Variants in CMIP observed in about 807,000 individuals in gnomAD.
The protein encoded by CMIP is c-Maf inducing protein, also known as C-Maf-inducing protein.
A neutral mutation model predicts 97.3 loss-of-function variants in CMIP; 13 were observed. That is an observed-to-expected ratio of 0.13 (90% CI 0.09 to 0.21). The LOEUF (loss-of-function observed/expected upper bound fraction) is 0.21, where lower values mean the gene tolerates loss of function less well. Ranked by LOEUF, CMIP falls within the 10% of genes least tolerant of loss-of-function variation. CMIP has a pLI of 1.00. For synonymous variants in CMIP, 538 were observed against 436.3 expected, an observed-to-expected ratio of 1.23 and a Z score of -2.91; for missense variants, 847 against 1,024.9, an observed-to-expected ratio of 0.83 and a Z score of 2.37.
chr16:81,549,802 G>A (rs140831872), intron 1 of CMIP, among the ~76,000 whole-genome samples: 47 of 152,326 alleles, frequency 3.1e-4, no homozygotes, highest in Middle Eastern at 6.8e-3. Flanking sequence ...GCAACTGCGC[G>A]TTCTCTTCCC....
In CMIP at chr16:81,621,923, T is replaced by C. The variant is rs988439363; in HGVS notation, c.477+997T>C. The C allele has an allele frequency of 6.6e-6, 1 of 152,290 alleles. No individual in the cohort carries two copies. Among genetic ancestry groups the C allele is most frequent in the African/African-American group, 2.4e-5 (1 of 41,474 alleles). The allele number at this position is 152,290 out of a possible 1,614,324, so 9.4% of individuals were successfully genotyped here. On this transcript the variant is annotated intron_variant, in intron 3 of 20. Transcript: ENST00000537098. The surrounding 1 kb of genome is among the most constrained non-coding windows in gnomAD (Gnocchi z 4.1). ...CACTCCCCTCCTTTCCTCTGTCAGCTACTGGTCCTCTTGCTTTGTGCTGTG... is the reference window on the plus strand; with the variant it reads ...CACTCCCCTCCTTTCCTCTGTCAGCCACTGGTCCTCTTGCTTTGTGCTGTG...
intron 1 of CMIP, among the ~76,000 whole-genome samples, chr16:81,544,291 T>C (rs2090502473): frequency 6.6e-6 from 1 of 152,276 alleles, no homozygotes; most frequent in Admixed American, 6.5e-5. Context: ...AGACCGAGGC[T>C]GGAGGGTCAT....
Position 81,652,067 on chromosome 16 carries a change from TA to T in CMIP, c.478-133del. 1 of 663,114 alleles carries T rather than the reference TA, an allele frequency of 1.5e-6. No individual in the cohort carries two copies. The highest frequency in any genetic ancestry group is 2.0e-5 in the South Asian group (1 of 51,256). 41.1% of individuals were successfully genotyped at this position (663,114 alleles called of 1,614,324 possible). A position where few individuals can be genotyped will look rare whatever the true frequency, so the allele number is the denominator to read the frequency against. On this transcript the variant is annotated intron_variant, in intron 3 of 20. Coordinates refer to ENST00000537098, the MANE Select transcript of CMIP (RefSeq NM_198390.3). The surrounding 1 kb of genome is among the most constrained non-coding windows in gnomAD (Gnocchi z 5.2). The stretch of plus-strand genomic sequence containing the variant: ...CTCTCTCGGGGTGTCAGTTTCCTTA[TA>T]AACGGGGACTGGGCCAAGTTGTCAG...
At chr16:81,563,066 C>T (rs1567581499) in intron 1 of CMIP, among the ~76,000 whole-genome samples, 1 of 152,228 alleles carries the variant, frequency 6.6e-6, no homozygotes, top group Non-Finnish European at 1.5e-5. Flanking sequence ...AAGGCGCTGA[C>T]CCGCCAGAGG....
At chr16:81,475,785 A>T (rs929443237) in intron 1 of CMIP, among the ~76,000 whole-genome samples, 6 of 152,144 alleles carry the variant, frequency 3.9e-5, no homozygotes, top group Non-Finnish European at 8.8e-5. Context: ...GGAGATCAGG[A>T]CCATCCTGGC....
intron 10 of CMIP, among the ~76,000 whole-genome samples, chr16:81,679,852 G>A (rs975505614): frequency 1.5e-4 from 23 of 152,166 alleles, no homozygotes; most frequent in Admixed American, 2.0e-4. Context: ...GGGAGCCCCA[G>A]TTTGAGGGAT....
chr16:81,707,480 A>T (rs1203010297), intron 20 of CMIP, among the ~76,000 whole-genome samples: 2 of 152,210 alleles, frequency 1.3e-5, no homozygotes, highest in African/African-American at 4.8e-5. Context: ...GGCCGGATGG[A>T]AAAAGCCCTC....
chr16:81,521,450 G>A (rs2090025865), intron 1 of CMIP, among the ~76,000 whole-genome samples: 1 of 152,104 alleles, frequency 6.6e-6, no homozygotes. Context: ...TGACCGCCAA[G>A]GTCGGCTGCC....
chr16:81,480,021 G>A (rs1227364374), intron 1 of CMIP, among the ~76,000 whole-genome samples: 6 of 152,156 alleles, frequency 3.9e-5, no homozygotes, highest in East Asian at 1.9e-4. Context: ...GGGGATCTTC[G>A]TAACCCCCAA....
intron 3 of CMIP, among the ~76,000 whole-genome samples, chr16:81,623,858 A>G (rs891056029): frequency 2.0e-5 from 3 of 152,166 alleles, no homozygotes; most frequent in Non-Finnish European, 2.9e-5. Context: ...GTCGTTAAGC[A>G]GGTAATAGAA....
intron 2 of CMIP, chr16:81,618,997 T>C (rs1385289679): frequency 6.6e-6 from 1 of 152,284 alleles, no homozygotes; most frequent in Non-Finnish European, 1.5e-5. Flanking sequence ...CAACAGTCTC[T>C]CCAGGGGGCT....
chr16:81,700,014 G>C, intron 15 of CMIP, among the ~76,000 whole-genome samples: 1 of 152,180 alleles, frequency 6.6e-6, no homozygotes, highest in East Asian at 1.9e-4. Flanking sequence ...CCATTGATCA[G>C]TGGGGTTGGG....
Position 81,610,417 on chromosome 16 carries a change from G to T in CMIP, c.426+2725G>T, listed in dbSNP as rs572492415. 6 of 985,992 alleles carry T rather than the reference G, an allele frequency of 6.1e-6. No homozygotes were observed. In the East Asian group the frequency reaches 5.7e-4, roughly 93 times the overall value. The allele number at this position is 985,992 out of a possible 1,614,324, so 61.1% of individuals were successfully genotyped here. ...GCAGTCAGAGGCAGGAGCAGGAGAG[G>T]AGGAAGCAGAGGAAAAGGAGGAGGA... On this transcript the variant is annotated intron_variant, in intron 2 of 20. Coordinates refer to ENST00000537098, the MANE Select transcript of CMIP (RefSeq NM_198390.3).
intron 3 of CMIP, among the ~76,000 whole-genome samples, chr16:81,625,162 G>T (rs949811378): frequency 6.6e-6 from 1 of 152,196 alleles, no homozygotes; most frequent in Non-Finnish European, 1.5e-5. Context: ...AGCCCTCCCG[G>T]CCTGGCCTCT....
At chr16:81,563,635 C>T (rs2090927224) in intron 1 of CMIP, among the ~76,000 whole-genome samples, 2 of 152,188 alleles carry the variant, frequency 1.3e-5, no homozygotes, top group Non-Finnish European at 2.9e-5. Context: ...CCATATTGAG[C>T]ATGATGCTGT....
chr16:81,624,488 C>CAA lies in CMIP; in HGVS notation c.477+3579_477+3580dup, dbSNP rs371369093. On this transcript the variant is annotated intron_variant, in intron 3 of 20. Transcript: ENST00000537098. Reference sequence around the variant, plus strand: ...TGGGCGAAAGTGCGAGACTCCGTCTCAAAAAAAAAAAAAAAAAATGCCACC... The same window carrying CAA: ...TGGGCGAAAGTGCGAGACTCCGTCTCAAAAAAAAAAAAAAAAAAAATGCCACC... Among the ~76,000 whole-genome samples, 234 of 92,664 alleles carry CAA rather than the reference C, an allele frequency of 2.5e-3. 1 individual carries two copies. The highest frequency in any genetic ancestry group is 7.0e-3 in the African/African-American group (212 of 30,080). The allele number at this position is 92,664 out of a possible 152,430, so 60.8% of individuals were successfully genotyped here. A position where few individuals can be genotyped will look rare whatever the true frequency, so the allele number is the denominator to read the frequency against.
At chr16:81,593,160 G>A (rs1174762365) in intron 1 of CMIP, among the ~76,000 whole-genome samples, 3 of 152,196 alleles carry the variant, frequency 2.0e-5, no homozygotes, top group African/African-American at 7.2e-5. Flanking sequence ...CCCACGTCCT[G>A]CCTCTTGACC....
chr16:81,693,571 T>C, intron 13 of CMIP, 84 bp downstream of exon 13: 1 of 1,437,174 alleles, frequency 7.0e-7, no homozygotes, highest in Non-Finnish European at 9.4e-7. Context: ...TTCTGAAGCT[T>C]GTCACCAACA....
chr16:81,604,028 C>T (rs566552442), intron 1 of CMIP, among the ~76,000 whole-genome samples: 2 of 152,328 alleles, frequency 1.3e-5, no homozygotes, highest in Non-Finnish European at 2.9e-5. Context: ...ACACAAGTCT[C>T]CTTGGTCCTA....
Sources: gnomAD v4.1 joint callset for allele counts (sites outside exome capture counted in the v4.1 genomes callset) on GRCh38, gnomAD v4.1.1 for gene constraint, Gnocchi (gnomAD v3.1) non-coding constraint, MANE v1.5 for transcripts, NCBI Gene and HGNC (gene_info 2026-07-23, HGNC 2026-07-21) for gene names.